The following LHFPL3 variants were observed in gnomAD, a reference collection of about 807,000 sequenced individuals.
LHFPL3 encodes the protein LHFPL tetraspan subfamily member 3 protein.
In LHFPL3, 5 loss-of-function variants were observed where a neutral mutation model predicts 19.3. The observed-to-expected ratio is 0.26, with a 90% confidence interval of 0.14 to 0.54. The LOEUF is 0.54. Among genes scored for constraint, LHFPL3 ranks in the 20% least tolerant of loss-of-function variants. The pLI is 0.94. For synonymous variants in LHFPL3, 133 were observed against 126.2 expected (o/e 1.05, Z -0.36); for missense variants, 249 against 307.4 (o/e 0.81, Z 1.42).
At chr7:104,468,279 G>GT (rs1792833082) in intron 1 of LHFPL3, among the ~76,000 whole-genome samples, 2 of 152,152 alleles carry the variant, frequency 1.3e-5, no homozygotes, top group Admixed American at 1.3e-4. Context: ...ACCAAAACTC[G>GT]TATGAGGGTG....
intron 1 of LHFPL3, among the ~76,000 whole-genome samples, chr7:104,600,791 C>T (rs549370139): frequency 1.1e-4 from 16 of 152,234 alleles, no homozygotes; most frequent in Admixed American, 2.0e-4. Context: ...TTTGGAGTCA[C>T]GATTCCTATA....
At chr7:104,361,532 G>A (rs1248831620) in intron 1 of LHFPL3, among the ~76,000 whole-genome samples, 1 of 152,136 alleles carries the variant, frequency 6.6e-6, no homozygotes, top group Non-Finnish European at 1.5e-5. Flanking sequence ...TAGGTAAATA[G>A]CAGCCTTTGG....
intron 2 of LHFPL3, among the ~76,000 whole-genome samples, chr7:104,748,827 A>G (rs568839565): frequency 8.5e-5 from 13 of 152,174 alleles, no homozygotes; most frequent in African/African-American, 2.9e-4. Flanking sequence ...TTTCTTTCCT[A>G]AGTCTCTCGT....
intron 1 of LHFPL3, among the ~76,000 whole-genome samples, chr7:104,614,682 T>TC (rs1489563968): frequency 0.015 from 1,475 of 97,376 alleles, 121 homozygotes; most frequent in Middle Eastern, 0.024. Context: ...CTTCCTTCCT[T>TC]CTTTCTTTCT....
chr7:104,792,676 G>A (rs73415692), intron 2 of LHFPL3, among the ~76,000 whole-genome samples: 3,423 of 152,114 alleles, frequency 0.023, 124 homozygotes, highest in African/African-American at 0.077. Context: ...TCTCATATTC[G>A]GTAACTTATA....
chr7:104,832,962 A>ATC (rs1790985917), intron 2 of LHFPL3, among the ~76,000 whole-genome samples: 1 of 97,670 alleles, frequency 1.0e-5, no homozygotes, highest in Admixed American at 1.5e-4. Context: ...AATAGGATGT[A>ATC]TATATATATA....
chr7:104,614,648 C>G (rs1791282703), intron 1 of LHFPL3, among the ~76,000 whole-genome samples: 1 of 94,430 alleles, frequency 1.1e-5, no homozygotes. Flanking sequence ...CTTCTCTTCT[C>G]TTCTCTCCTT....
chr7:104,334,016 G>C (rs1801616627), intron 1 of LHFPL3, among the ~76,000 whole-genome samples: 1 of 152,182 alleles, frequency 6.6e-6, no homozygotes, highest in Non-Finnish European at 1.5e-5. Context: ...TCAGGAGACT[G>C]TTGCAAAGAC....
chr7:104,330,168 C>T (rs1801542717), intron 1 of LHFPL3, among the ~76,000 whole-genome samples: 1 of 152,222 alleles, frequency 6.6e-6, no homozygotes, highest in Non-Finnish European at 1.5e-5. Flanking sequence ...TGACTCCTTG[C>T]TGTACTTCCC....
In LHFPL3 at chr7:104,395,617, T is replaced by C. The variant is rs182304867; in HGVS notation, c.445+66393T>C. Among the ~76,000 whole-genome samples the C allele has an allele frequency of 2.0e-5, 3 of 152,296 alleles. No homozygotes were observed. In the East Asian group the frequency reaches 5.8e-4, roughly 29 times the overall value. ...CAGGAGTTAGGAGAGGTAGGAGTAA[T>C]TGTGCGACAGGTGGAAGAAATAAAT... On this transcript the variant is annotated intron_variant, in intron 1 of 2. Transcript: ENST00000424859.
chr7:104,450,088 A>G (rs1017123616), intron 1 of LHFPL3, among the ~76,000 whole-genome samples: 2 of 152,214 alleles, frequency 1.3e-5, no homozygotes, highest in African/African-American at 4.8e-5. Flanking sequence ...TTTATTTTCT[A>G]TACTTTTTCT....
intron 1 of LHFPL3, among the ~76,000 whole-genome samples, chr7:104,561,269 G>A (rs1373767064): frequency 8.7e-5 from 13 of 148,808 alleles, no homozygotes; most frequent in Admixed American, 2.0e-4. Context: ...TCTGTCTAAT[G>A]TTGACAGTGG....
intron 1 of LHFPL3, among the ~76,000 whole-genome samples, chr7:104,549,293 AATCTGAGAAT>A (rs1794626298): frequency 6.8e-6 from 1 of 146,756 alleles, no homozygotes; most frequent in Non-Finnish European, 1.5e-5. Flanking sequence ...TTCTCACGAC[AATCTGAGAAT>A]ATATATATAT....
chr7:104,884,121 C>T (rs1301627777), intron 2 of LHFPL3, among the ~76,000 whole-genome samples: 1 of 152,098 alleles, frequency 6.6e-6, no homozygotes, highest in East Asian at 1.9e-4. Flanking sequence ...CTCATTAATA[C>T]CTATACCGTG....
intron 1 of LHFPL3, among the ~76,000 whole-genome samples, chr7:104,422,800 A>T (rs921968370): frequency 2.6e-5 from 4 of 152,246 alleles, no homozygotes; most frequent in Non-Finnish European, 5.9e-5. Flanking sequence ...ATTCCTTATT[A>T]CCATGACATG....
intron 1 of LHFPL3, among the ~76,000 whole-genome samples, chr7:104,528,313 G>A (rs147953759): frequency 1.3e-5 from 2 of 152,310 alleles, no homozygotes; most frequent in East Asian, 3.9e-4. Flanking sequence ...TTGGAGTTAT[G>A]TAAATAGAAT....
At chr7:104,762,269 A>C (rs932532837) in intron 2 of LHFPL3, among the ~76,000 whole-genome samples, 5 of 152,206 alleles carry the variant, frequency 3.3e-5, no homozygotes, top group Non-Finnish European at 7.3e-5. Flanking sequence ...GACGAGAAAA[A>C]GGAAAGTTGA....
intron 2 of LHFPL3, among the ~76,000 whole-genome samples, chr7:104,743,822 C>A (rs1353002014): frequency 2.6e-5 from 4 of 152,094 alleles, no homozygotes; most frequent in Non-Finnish European, 5.9e-5. Flanking sequence ...TACACAGTAT[C>A]ATGTAATCAA....
chr7:104,374,207 T>G (rs1484765812), intron 1 of LHFPL3, among the ~76,000 whole-genome samples: 2 of 78,434 alleles, frequency 2.5e-5, no homozygotes, highest in Non-Finnish European at 5.8e-5. Context: ...TCTATCTATA[T>G]ATGTGTGTGT....
Sources: gnomAD v4.1 joint callset for allele counts (sites outside exome capture counted in the v4.1 genomes callset) on GRCh38, gnomAD v4.1.1 for gene constraint, MANE v1.5 for transcripts, NCBI Gene and HGNC (gene_info 2026-07-23, HGNC 2026-07-21) for gene names.